Variants in DPP10 observed in about 807,000 individuals in gnomAD.
DPP10 encodes the protein dipeptidyl peptidase like 10.
In DPP10, 33 loss-of-function variants were observed where a neutral mutation model predicts 120.9. That is an observed-to-expected ratio of 0.27 (90% CI 0.21 to 0.37). DPP10 has a LOEUF of 0.37. Ranked by LOEUF, DPP10 falls within the 10% of genes least tolerant of loss-of-function variation. The pLI is 1.00. For synonymous variants in DPP10, 337 were observed against 326.1 expected, an observed-to-expected ratio of 1.03 and a Z score of -0.36; for missense variants, 816 against 942.8, an observed-to-expected ratio of 0.87 and a Z score of 1.76.
intron 1 of DPP10, among the ~76,000 whole-genome samples, chr2:115,157,395 G>C (rs67579181): frequency 0.11 from 17,040 of 152,084 alleles, 1,223 homozygotes; most frequent in East Asian, 0.21. Context: ...ATTGGGCTAT[G>C]AATTTTTATA....
chr2:114,705,787 T>G (rs1476213197), intron 1 of DPP10, among the ~76,000 whole-genome samples: 1 of 152,200 alleles, frequency 6.6e-6, no homozygotes, highest in Non-Finnish European at 1.5e-5. Context: ...ATAAGCAGAC[T>G]TAAATAATAT....
At chr2:115,344,558 TTTG>T (rs1235972154) in intron 3 of DPP10, among the ~76,000 whole-genome samples, 4 of 152,296 alleles carry the variant, frequency 2.6e-5, no homozygotes, top group Admixed American at 2.0e-4. Flanking sequence ...TATATGGCAC[TTTG>T]TTGTTTTTTT....
intron 1 of DPP10, among the ~76,000 whole-genome samples, chr2:114,755,833 C>T (rs1290769045): frequency 6.6e-6 from 1 of 151,514 alleles, no homozygotes; most frequent in Non-Finnish European, 1.5e-5. Context: ...TTTTTTTCCT[C>T]AGTTTGTTCT....
chr2:114,628,854 A>C (rs1259086556), intron 1 of DPP10, among the ~76,000 whole-genome samples: 1 of 152,180 alleles, frequency 6.6e-6, no homozygotes, highest in Non-Finnish European at 1.5e-5. Context: ...CATGTTTTGA[A>C]ATACACTGCA....
intron 1 of DPP10, among the ~76,000 whole-genome samples, chr2:114,733,541 C>A (rs1337479522): frequency 6.6e-6 from 1 of 152,062 alleles, no homozygotes. Context: ...AGTTTTTCAG[C>A]CTTTTGCTAG....
intron 1 of DPP10, among the ~76,000 whole-genome samples, chr2:114,643,937 T>A (rs11693910): frequency 0.5 from 52,296 of 105,166 alleles, 11,641 homozygotes; most frequent in East Asian, 0.62. Context: ...ATATATATAT[T>A]TTTTTTTTTT....
intron 1 of DPP10, among the ~76,000 whole-genome samples, chr2:115,023,405 T>C (rs913498541): frequency 9.9e-5 from 15 of 152,136 alleles, no homozygotes; most frequent in African/African-American, 3.4e-4. Context: ...TCAATATCAC[T>C]AATCATCAGA....
rs1553486145 is a variant in DPP10 at position 115,712,543 on chromosome 2, AAT to A, written c.577-15251_577-15250del. Among the ~76,000 whole-genome samples, 333 of 64,302 alleles carry A rather than the reference AAT, an allele frequency of 5.2e-3. 34 individuals carry two copies. The highest frequency in any genetic ancestry group is 0.018 in the African/African-American group (323 of 18,192). The allele number at this position is 64,302 out of a possible 152,430, so 42.2% of individuals were successfully genotyped here. ...AATAGCTTTGAAGAGTCCTGAATTA[AAT>A]ATATATATATATATATATATAAAGA... On this transcript the variant is annotated intron_variant, in intron 7 of 25. Transcript: ENST00000410059.
At chr2:115,714,335 A>AT (rs2092420164) in intron 7 of DPP10, among the ~76,000 whole-genome samples, 1 of 152,220 alleles carries the variant, frequency 6.6e-6, no homozygotes, top group African/African-American at 2.4e-5. Context: ...AAAGAAAATA[A>AT]TTTCCAGATC....
At chr2:114,969,435 G>A (rs1699248616) in intron 1 of DPP10, among the ~76,000 whole-genome samples, 1 of 152,044 alleles carries the variant, frequency 6.6e-6, no homozygotes, top group Non-Finnish European at 1.5e-5. Flanking sequence ...GATTATATCA[G>A]GAAATATATA....
intron 1 of DPP10, among the ~76,000 whole-genome samples, chr2:114,826,693 G>A (rs1353371895): frequency 4.6e-5 from 7 of 152,064 alleles, no homozygotes. Flanking sequence ...CCCATGCCTG[G>A]CTAATTTTTG....
intron 1 of DPP10, among the ~76,000 whole-genome samples, chr2:114,493,925 C>T (rs1005019680): frequency 1.2e-4 from 18 of 152,052 alleles, no homozygotes; most frequent in African/African-American, 4.1e-4. Flanking sequence ...ACTTTTCCTG[C>T]ACCCTAGTTT....
chr2:115,230,465 G>A (rs1010005497), intron 1 of DPP10, among the ~76,000 whole-genome samples: 1 of 151,866 alleles, frequency 6.6e-6, no homozygotes, highest in Non-Finnish European at 1.5e-5. Flanking sequence ...CATTTTGTAG[G>A]TAGTATTTCT....
chr2:114,525,844 T>G (rs1233743110), intron 1 of DPP10, among the ~76,000 whole-genome samples: 3 of 152,200 alleles, frequency 2.0e-5, no homozygotes, highest in African/African-American at 4.8e-5. Flanking sequence ...TTAGTCTTTC[T>G]AGAACTCTTT....
chr2:114,689,704 G>A (rs1461188846), intron 1 of DPP10, among the ~76,000 whole-genome samples: 1 of 152,026 alleles, frequency 6.6e-6, no homozygotes, highest in African/African-American at 2.4e-5. Context: ...CACCAACAGT[G>A]TGAAAGCATT....
At chr2:115,618,006 G>A (rs1217891627) in intron 5 of DPP10, among the ~76,000 whole-genome samples, 1 of 152,168 alleles carries the variant, frequency 6.6e-6, no homozygotes, top group Non-Finnish European at 1.5e-5. Context: ...AGACACCTAT[G>A]TGATAAGATG....
intron 1 of DPP10, among the ~76,000 whole-genome samples, chr2:114,811,745 T>C (rs962408085): frequency 6.6e-6 from 1 of 152,136 alleles, no homozygotes; most frequent in African/African-American, 2.4e-5. Context: ...TCACGTTCTC[T>C]CTGCTGAGCA....
chr2:115,210,352 A>G (rs1180192690), intron 1 of DPP10, among the ~76,000 whole-genome samples: 2 of 152,092 alleles, frequency 1.3e-5, no homozygotes, highest in African/African-American at 4.8e-5. Flanking sequence ...ACATGAACTG[A>G]TCATTTTTTA....
chr2:114,566,094 G>A (rs1437600270), intron 1 of DPP10, among the ~76,000 whole-genome samples: 1 of 152,180 alleles, frequency 6.6e-6, no homozygotes, highest in Non-Finnish European at 1.5e-5. Flanking sequence ...GAGAAAGCAG[G>A]CGAGGGAGAC....
Sources: allele counts gnomAD v4.1 joint callset (sites outside exome capture counted in the v4.1 genomes callset), GRCh38; gene constraint gnomAD v4.1.1; transcripts MANE v1.5; gene names NCBI Gene and HGNC (gene_info 2026-07-23, HGNC 2026-07-21).